Variants in CSMD1 observed in about 807,000 individuals in gnomAD.
The protein encoded by CSMD1 is CUB and Sushi multiple domains 1, also known as CUB and sushi domain-containing protein 1.
Under a neutral mutation model 417.5 loss-of-function variants are expected in CSMD1, and 213 were observed. The ratio of observed to expected loss-of-function variants is 0.51; its 90% CI spans 0.46 to 0.57. CSMD1 has a LOEUF of 0.57. Ranked by LOEUF, CSMD1 falls within the 20% of genes least tolerant of loss-of-function variation. The pLI is 0.00. For missense variants in CSMD1, 6,923 were observed against 4,529.7 expected (o/e 1.53, Z -15.17); for synonymous variants, 2,862 against 1,736.8 (o/e 1.65, Z -16.11).
rs35152655 is a variant in CSMD1, at chr8:3,212,831, C to CTTTT, written c.4867+1662_4867+1665dup. Among the ~76,000 whole-genome samples the CTTTT allele has an allele frequency of 1.3e-3, 180 of 138,566 alleles. 6 individuals are homozygous for CTTTT. The highest frequency in any genetic ancestry group is 2.2e-3 in the African/African-American group (83 of 37,026). The allele number at this position is 138,566 out of a possible 152,430, so 90.9% of individuals were successfully genotyped here. On this transcript the variant is annotated intron_variant, in intron 30 of 69. Transcript: ENST00000635120. Reference sequence around the variant, plus strand: ...TTGTTTGATTTTAGTTTCTTATATACTTTTTTTTTTTTTTTGAGAGAGAGT... The same window carrying CTTTT: ...TTGTTTGATTTTAGTTTCTTATATACTTTTTTTTTTTTTTTTTTTGAGAGAGAGT...
At chr8:3,747,814 A>T (rs1797133730) in intron 6 of CSMD1, among the ~76,000 whole-genome samples, 1 of 152,048 alleles carries the variant, frequency 6.6e-6, no homozygotes, top group Non-Finnish European at 1.5e-5. Flanking sequence ...TTTGTTCTTT[A>T]TGTTTTAAAA....
intron 26 of CSMD1, among the ~76,000 whole-genome samples, chr8:3,275,133 A>C (rs904778877): frequency 2.0e-5 from 3 of 152,158 alleles, no homozygotes; most frequent in East Asian, 1.9e-4. Flanking sequence ...GGTAGTGACA[A>C]AATCTCTCAG....
intron 7 of CSMD1, among the ~76,000 whole-genome samples, chr8:3,688,517 T>G (rs906083696): frequency 6.6e-6 from 1 of 152,224 alleles, no homozygotes. Flanking sequence ...GAAAAGTTAC[T>G]CTTTATCACA....
intron 3 of CSMD1, among the ~76,000 whole-genome samples, chr8:4,222,176 G>C (rs185781725): frequency 6.6e-6 from 1 of 151,946 alleles, no homozygotes. Context: ...AACCCCTTCT[G>C]TGTCTACACT....
At chr8:3,565,454 C>G (rs753287123) in intron 10 of CSMD1, among the ~76,000 whole-genome samples, 1 of 152,168 alleles carries the variant, frequency 6.6e-6, no homozygotes, top group Non-Finnish European at 1.5e-5. Flanking sequence ...ATCCGTGAAT[C>G]GCCTCCTTAA....
intron 10 of CSMD1, among the ~76,000 whole-genome samples, chr8:3,548,934 C>T (rs116685337): frequency 3.3e-5 from 5 of 152,102 alleles, no homozygotes; most frequent in Admixed American, 6.5e-5. Flanking sequence ...TAAGTTCTCG[C>T]GTGTTCCTGT....
At chr8:4,496,753 G>C (rs1011883372) in intron 2 of CSMD1, among the ~76,000 whole-genome samples, 1 of 152,118 alleles carries the variant, frequency 6.6e-6, no homozygotes, top group Admixed American at 6.5e-5. Flanking sequence ...CTGGAACAAA[G>C]CTGGGAGTAA....
At chr8:4,388,305 CACACACACACACACAG>C (rs1230154510) in intron 3 of CSMD1, among the ~76,000 whole-genome samples, 145 of 105,160 alleles carry the variant, frequency 1.4e-3, no homozygotes, top group African/African-American at 6.1e-3. Flanking sequence ...AACTGTGATA[CACACACACACACACAG>C]ACACACACAC....
At chr8:3,201,082 G>T (rs535686491) in intron 32 of CSMD1, among the ~76,000 whole-genome samples, 3 of 152,200 alleles carry the variant, frequency 2.0e-5, no homozygotes, top group Non-Finnish European at 2.9e-5. Flanking sequence ...GTGATTTTAA[G>T]GGTAAGAATG....
chr8:4,065,632 C>A (rs2552093), intron 3 of CSMD1, among the ~76,000 whole-genome samples: 126,897 of 152,050 alleles, frequency 0.83, 53,014 homozygotes, highest in Admixed American at 0.88. Flanking sequence ...AGCTCATGCA[C>A]CAAGGCCAGG....
intron 26 of CSMD1, among the ~76,000 whole-genome samples, chr8:3,238,236 G>A (rs1585749384): frequency 6.6e-6 from 1 of 152,104 alleles, no homozygotes; most frequent in East Asian, 1.9e-4. Flanking sequence ...GCCAGGATGA[G>A]CCAGGAGAAG....
intron 3 of CSMD1, among the ~76,000 whole-genome samples, chr8:4,272,695 AGACTGTACATTTTCATTCTGTAATTCTT>A (rs1804681975): frequency 2.0e-5 from 3 of 152,184 alleles, no homozygotes; most frequent in African/African-American, 7.2e-5. Context: ...TATATTTGGA[AGACTGTACATTTTCATTCTGTAATTCTT>A]GACTGTACAT....
At chr8:4,341,820 C>G (rs1406584966) in intron 3 of CSMD1, among the ~76,000 whole-genome samples, 1 of 152,080 alleles carries the variant, frequency 6.6e-6, no homozygotes, top group Non-Finnish European at 1.5e-5. Context: ...ACTTAACGAG[C>G]ACATCTGCAT....
At chr8:4,057,341 G>C (rs138183414) in intron 3 of CSMD1, among the ~76,000 whole-genome samples, 138 of 152,278 alleles carry the variant, frequency 9.1e-4, no homozygotes, top group African/African-American at 3.0e-3. Flanking sequence ...CTTTTGAGAA[G>C]TGTCTGTTCA....
intron 6 of CSMD1, among the ~76,000 whole-genome samples, chr8:3,749,146 G>C (rs1040096729): frequency 1.3e-5 from 2 of 152,182 alleles, no homozygotes; most frequent in Admixed American, 1.3e-4. Context: ...AAAACGTCTA[G>C]ATGATGGATT....
intron 2 of CSMD1, among the ~76,000 whole-genome samples, chr8:4,506,701 G>C (rs1802544410): frequency 6.6e-6 from 1 of 152,180 alleles, no homozygotes; most frequent in Non-Finnish European, 1.5e-5. Context: ...TGAATAAGGA[G>C]TCAGCTTCTC....
intron 26 of CSMD1, among the ~76,000 whole-genome samples, chr8:3,274,771 C>A (rs1176635039): frequency 6.6e-6 from 1 of 151,772 alleles, no homozygotes; most frequent in African/African-American, 2.4e-5. Flanking sequence ...TTTTGTTTTC[C>A]ATTTGCTTGG....
intron 1 of CSMD1, among the ~76,000 whole-genome samples, chr8:4,719,104 A>C (rs939113154): frequency 2.0e-5 from 3 of 152,200 alleles, no homozygotes; most frequent in African/African-American, 7.2e-5. Context: ...GTTTCTGCAC[A>C]AAGAAGCTCT....
intron 49 of CSMD1, among the ~76,000 whole-genome samples, chr8:3,074,493 G>A (rs202161312): frequency 6.6e-6 from 1 of 152,178 alleles, no homozygotes; most frequent in Non-Finnish European, 1.5e-5. Flanking sequence ...GCTTCCAGAA[G>A]CAAGCCGTCA....
Sources: gnomAD v4.1 joint callset for allele counts (sites outside exome capture counted in the v4.1 genomes callset) on GRCh38, gnomAD v4.1.1 for gene constraint, MANE v1.5 for transcripts, NCBI Gene and HGNC (gene_info 2026-07-23, HGNC 2026-07-21) for gene names.